ACTR3C: variants seen among roughly 807,000 people sequenced by gnomAD.
The protein encoded by ACTR3C is actin related protein 3C, also known as actin-related protein 3C.
In ACTR3C, 18 loss-of-function variants were observed where a neutral mutation model predicts 26.3. That is an observed-to-expected ratio of 0.68 (90% confidence interval 0.47 to 1.01). ACTR3C has a LOEUF of 1.01. ACTR3C is among the 50% of genes least tolerant of loss of function. The pLI, the probability that ACTR3C is intolerant of heterozygous loss-of-function variation, is 0.00. For missense variants in ACTR3C, 184 were observed against 250.7 expected (o/e 0.73, Z 1.80); for synonymous variants, 55 against 94.5 (o/e 0.58, Z 2.42).
chr7:150,007,239 T>C, the ACTR3C span, among the ~76,000 whole-genome samples: 1 of 152,176 alleles, frequency 6.6e-6, no homozygotes. Flanking sequence ...TGGAAGAGTC[T>C]GAGGAACTGA....
chr7:150,042,385 G>A, the ACTR3C span, among the ~76,000 whole-genome samples: 2 of 146,386 alleles, frequency 1.4e-5, no homozygotes, highest in Non-Finnish European at 3.0e-5. Context: ...AGAGCAAAGG[G>A]GGGAAGAGGG....
the ACTR3C span, among the ~76,000 whole-genome samples, chr7:150,096,162 T>C: frequency 9.8e-4 from 147 of 149,642 alleles, 6 homozygotes; most frequent in South Asian, 0.03. Flanking sequence ...AGCCCACACC[T>C]TGGAAACTGA....
the ACTR3C span, among the ~76,000 whole-genome samples, chr7:150,161,655 C>T: frequency 1.3e-5 from 2 of 152,098 alleles, no homozygotes; most frequent in Non-Finnish European, 2.9e-5. Flanking sequence ...ACCCAGCCAT[C>T]CCATTACTGG....
the ACTR3C span, among the ~76,000 whole-genome samples, chr7:150,180,193 T>C: frequency 6.7e-6 from 1 of 150,124 alleles, no homozygotes; most frequent in South Asian, 2.1e-4. Context: ...TAGTCCCAGC[T>C]ACTCGGGAGG....
intron 7 of ACTR3C, 116 bp from the exon 8 acceptor site, chr7:150,247,685 G>A (rs1434400289): frequency 7.0e-6 from 1 of 143,252 alleles, no homozygotes; most frequent in Non-Finnish European, 1.5e-5. Flanking sequence ...GTGTTGAACT[G>A]TAATCTCCAC....
the ACTR3C span, among the ~76,000 whole-genome samples, chr7:150,078,999 G>A: frequency 6.6e-6 from 1 of 152,114 alleles, no homozygotes; most frequent in Non-Finnish European, 1.5e-5. Flanking sequence ...CTGGAAGGAG[G>A]GAAATGGTGG....
the ACTR3C span, among the ~76,000 whole-genome samples, chr7:149,983,034 GTC>G: frequency 5.9e-5 from 9 of 152,238 alleles, no homozygotes; most frequent in South Asian, 1.7e-3. Flanking sequence ...GAAAATAACA[GTC>G]TCTTCCAAAA....
At chr7:150,124,089 T>C in the ACTR3C span, among the ~76,000 whole-genome samples, 110 of 152,184 alleles carry the variant, frequency 7.2e-4, no homozygotes, top group Non-Finnish European at 1.3e-3. Flanking sequence ...TTATGTCAGA[T>C]GTTCCTTAAT....
chr7:150,319,865 T>C (rs1430056660), intron 1 of ACTR3C, among the ~76,000 whole-genome samples: 1 of 152,212 alleles, frequency 6.6e-6, no homozygotes, highest in East Asian at 1.9e-4. Context: ...GAGCCAGTCC[T>C]ATTTATCCTT....
chr7:150,136,832 G>A, the ACTR3C span, among the ~76,000 whole-genome samples: 4 of 152,196 alleles, frequency 2.6e-5, no homozygotes, highest in Non-Finnish European at 5.9e-5. Context: ...CGTGCACTGT[G>A]CATGCTTTAC....
the ACTR3C span, among the ~76,000 whole-genome samples, chr7:149,890,383 T>C: frequency 2.7e-5 from 4 of 149,860 alleles, no homozygotes; most frequent in Non-Finnish European, 4.4e-5. Context: ...CATTTATCTG[T>C]GATGTTTCAT....
At chr7:149,970,538 G>A in the ACTR3C span, among the ~76,000 whole-genome samples, 1 of 151,796 alleles carries the variant, frequency 6.6e-6, no homozygotes, top group Middle Eastern at 3.4e-3. Context: ...CATCTGTCTC[G>A]ATGTGAATGT....
the ACTR3C span, among the ~76,000 whole-genome samples, chr7:150,096,708 T>A: frequency 6.6e-6 from 1 of 151,904 alleles, no homozygotes; most frequent in Non-Finnish European, 1.5e-5. Flanking sequence ...TCCCTTTACT[T>A]ACAGTCTGTG....
the ACTR3C span, among the ~76,000 whole-genome samples, chr7:150,069,727 T>C: frequency 1.4e-4 from 22 of 151,816 alleles, no homozygotes; most frequent in African/African-American, 5.1e-4. Flanking sequence ...CACTGGGGAG[T>C]CCAGAAGAGG....
At chr7:149,975,302 G>C in the ACTR3C span, among the ~76,000 whole-genome samples, 4 of 152,068 alleles carry the variant, frequency 2.6e-5, no homozygotes, top group Non-Finnish European at 5.9e-5. Flanking sequence ...AATTACCAAA[G>C]TATTAAGGAG....
rs74993901 is a variant in ACTR3C at position 150,317,605 on chromosome 7, G to A, written c.-52+5864C>T. 4.5e-3 allele frequency among the ~76,000 whole-genome samples: 691 copies of A among 152,090 alleles called. 3 individuals are homozygous for A. The highest frequency in any genetic ancestry group is 0.016 in the African/African-American group (667 of 41,496). On this transcript the variant is annotated intron_variant, in intron 1 of 7. Coordinates refer to ENST00000683684, the MANE Select transcript of ACTR3C (RefSeq NM_001164458.2). ...GTGTTGACTAAACCACCAGAACAACGTTAAATGATGATGGTAATAGTATAT... is the reference window on the plus strand; with the variant it reads ...GTGTTGACTAAACCACCAGAACAACATTAAATGATGATGGTAATAGTATAT...
the ACTR3C span, among the ~76,000 whole-genome samples, chr7:150,192,787 G>C: frequency 1.3e-5 from 2 of 152,186 alleles, no homozygotes; most frequent in Non-Finnish European, 2.9e-5. Flanking sequence ...TTTTGTCCTT[G>C]AATAAGGAAT....
chr7:150,186,769 A>G, the ACTR3C span, among the ~76,000 whole-genome samples: 1 of 152,196 alleles, frequency 6.6e-6, no homozygotes, highest in African/African-American at 2.4e-5. Context: ...TAGGTGTACA[A>G]TAAATACTTG....
chr7:149,934,019 C>T, the ACTR3C span, among the ~76,000 whole-genome samples: 16 of 147,700 alleles, frequency 1.1e-4, no homozygotes, highest in African/African-American at 3.3e-4. Flanking sequence ...ATGCCAGCAA[C>T]GCATAAATTC....
Sources: gnomAD v4.1 joint callset for allele counts (sites outside exome capture counted in the v4.1 genomes callset) on GRCh38, gnomAD v4.1.1 for gene constraint, MANE v1.5 for transcripts, NCBI Gene and HGNC (gene_info 2026-07-23, HGNC 2026-07-21) for gene names.